RBM26: variants seen among roughly 807,000 people sequenced by gnomAD.
RBM26 encodes the protein RNA-binding protein 26.
A neutral mutation model predicts 123.6 loss-of-function variants in RBM26; 30 were observed. The ratio of observed to expected loss-of-function variants is 0.24; its 90% CI spans 0.18 to 0.33. RBM26 has a LOEUF of 0.33. Among genes scored for constraint, RBM26 ranks in the 10% least tolerant of loss-of-function variants. The probability of loss-of-function intolerance (pLI) is 1.00; values close to 1 mark genes in which losing one functional copy is unlikely to be tolerated. For missense variants in RBM26, 947 were observed against 1,203.6 expected, an observed-to-expected ratio of 0.79 and a Z score of 3.15; for synonymous variants, 400 against 404.4, an observed-to-expected ratio of 0.99 and a Z score of 0.13.
At chr13:79,372,336 TATTAAC>T (rs1039385845) in intron 3 of RBM26, among the ~76,000 whole-genome samples, 3 of 152,176 alleles carry the variant, frequency 2.0e-5, no homozygotes, top group African/African-American at 7.2e-5. Flanking sequence ...TTAATGACTT[TATTAAC>T]ATTAACATTT....
chr13:79,335,910 G>C (rs1023067633), intron 19 of RBM26, among the ~76,000 whole-genome samples: 10 of 152,066 alleles, frequency 6.6e-5, no homozygotes, highest in Non-Finnish European at 1.2e-4. Context: ...GAAAAGATGG[G>C]CAAGATTTAT....
rs1385089062 is a variant in RBM26 at position 79,344,312 on chromosome 13, T to C, written c.2195A>G (p.Lys732Arg). 3 of 1,605,578 alleles carry C rather than the reference T, an allele frequency of 1.9e-6. No individual in the cohort carries two copies. Among genetic ancestry groups the C allele is most frequent in the South Asian group, 1.1e-5 (1 of 90,852 alleles). Residue 732 changes from lysine to arginine, a missense_variant, in exon 16 of 22, where the codon AAA (lysine) becomes AGA (arginine). Lys to Arg is a conservative substitution (Grantham distance 26). Around this residue, in one of 5 missense-constraint regions of RBM26, gnomAD observed 493 missense variants for 563.1 expected, o/e 0.88. Transcript: ENST00000438737. ...CCTTTTCCTTACATCCTGCTGAAGTTTCAATGCCTCCTAGAATCAGGGATC... is the reference window on the plus strand; with the variant it reads ...CCTTTTCCTTACATCCTGCTGAAGTCTCAATGCCTCCTAGAATCAGGGATC... Reference protein sequence around the residue: ...EAQKKKQEALKLQQDVRKRKQ... With the variant: ...EAQKKKQEALRLQQDVRKRKQ...
At chr13:79,387,456 C>T (rs1263205018) in intron 1 of RBM26, among the ~76,000 whole-genome samples, 1 of 151,776 alleles carries the variant, frequency 6.6e-6, no homozygotes, top group Non-Finnish European at 1.5e-5. Flanking sequence ...AACTGTACTC[C>T]AAAAAACAAT....
intron 1 of RBM26, among the ~76,000 whole-genome samples, chr13:79,396,608 A>G (rs925365089): frequency 2.0e-5 from 3 of 152,186 alleles, no homozygotes; most frequent in African/African-American, 7.2e-5. Flanking sequence ...TAACCAAAAA[A>G]TCCTCACAAC....
At chr13:79,316,064 T>C (rs1047888286), downstream of RBM26, among the ~76,000 whole-genome samples, 1 of 151,772 alleles carries the variant, frequency 6.6e-6, no homozygotes, top group African/African-American at 2.4e-5. Context: ...AATTTCCATT[T>C]GTAATTTACA....
At chr13:79,392,975 T>A (rs1352614759) in intron 1 of RBM26, among the ~76,000 whole-genome samples, 1 of 152,328 alleles carries the variant, frequency 6.6e-6, no homozygotes, top group East Asian at 1.9e-4. Flanking sequence ...AGCAGTCATA[T>A]ACACATGCTG....
At chr13:79,337,444 T>C (rs1036766507) in intron 18 of RBM26, 142 bp from the exon 19 acceptor site, 12 of 1,015,258 alleles carry the variant, frequency 1.2e-5, no homozygotes, top group Middle Eastern at 2.3e-4. Context: ...ATAATTTAAA[T>C]TGGGGTTTTA....
intron 7 of RBM26, 70 bp downstream of exon 7, chr13:79,366,563 A>C (rs1471747959): frequency 1.4e-6 from 2 of 1,411,790 alleles, no homozygotes; most frequent in Non-Finnish European, 1.9e-6. Flanking sequence ...TTAATTTAAG[A>C]ATCTATTAAG....
chr13:79,333,976 A>G (rs2069871543), intron 20 of RBM26, among the ~76,000 whole-genome samples: 1 of 152,096 alleles, frequency 6.6e-6, no homozygotes. Flanking sequence ...CTTGTACCTT[A>G]TCCCTCACCA....
intron 1 of RBM26, chr13:79,389,631 T>C (rs962164367): frequency 1.3e-5 from 2 of 152,158 alleles, no homozygotes; most frequent in East Asian, 1.9e-4. Flanking sequence ...TGGCCGTAGA[T>C]GATTTGGTCA....
At chr13:79,354,663 G>C (rs965540074) in intron 12 of RBM26, 93 bp from the exon 13 acceptor site, 2 of 1,199,122 alleles carry the variant, frequency 1.7e-6, no homozygotes, top group Middle Eastern at 2.1e-4. Flanking sequence ...CCCATGCAGA[G>C]AAAGTTTTTA....
downstream of RBM26, among the ~76,000 whole-genome samples, chr13:79,315,941 C>T (rs773495682): frequency 2.0e-5 from 3 of 151,858 alleles, no homozygotes; most frequent in East Asian, 3.9e-4. Flanking sequence ...TACCTTTGAG[C>T]AACTAGCCAG....
downstream of RBM26, chr13:79,314,891 T>C (rs1270796734): frequency 3.5e-6 from 3 of 849,124 alleles, no homozygotes; most frequent in East Asian, 1.3e-4. Context: ...AGAGTGAACA[T>C]AAAATAATAG....
chr13:79,347,406 T>C (rs2072518195), intron 14 of RBM26, among the ~76,000 whole-genome samples: 1 of 152,182 alleles, frequency 6.6e-6, no homozygotes, highest in African/African-American at 2.4e-5. Flanking sequence ...AACTATATTG[T>C]TCACTATTTG....
At chr13:79,342,060 G>C (rs1469561403) in intron 17 of RBM26, among the ~76,000 whole-genome samples, 2 of 151,696 alleles carry the variant, frequency 1.3e-5, no homozygotes, top group Admixed American at 1.3e-4. Flanking sequence ...ATAATATATT[G>C]ATATTAGTGG....
At chr13:79,322,742 C>A (rs2067829504) in intron 20 of RBM26, among the ~76,000 whole-genome samples, 1 of 151,448 alleles carries the variant, frequency 6.6e-6, no homozygotes, top group Admixed American at 6.6e-5. Flanking sequence ...TATTTCACTA[C>A]TGGCCAATAT....
chr13:79,398,200 C>T (rs1040903446), intron 1 of RBM26, among the ~76,000 whole-genome samples: 2 of 152,066 alleles, frequency 1.3e-5, no homozygotes, highest in African/African-American at 4.8e-5. Flanking sequence ...ACAAAGGAAG[C>T]AAGAAGAGGG....
chr13:79,374,087 T>C lies in RBM26; in HGVS notation c.328-2157A>G, dbSNP rs1401850282. ...TACTGAGAACCATAAGATATTCTCA[T>C]GCAGGTAGTCTACGCACAGGGTACA... is the stretch of plus-strand genomic sequence containing the variant. On this transcript the variant is annotated intron_variant, in intron 3 of 21. Transcript: ENST00000438737. 8.5e-5 allele frequency among the ~76,000 whole-genome samples: 13 copies of C among 152,244 alleles called. No individual in the cohort carries two copies. The East Asian group carries it at 2.5e-3, about 29-fold the overall frequency.
At chr13:79,385,615 CT>C (rs1385117358) in intron 1 of RBM26, among the ~76,000 whole-genome samples, 2 of 152,076 alleles carry the variant, frequency 1.3e-5, no homozygotes, top group African/African-American at 4.8e-5. Flanking sequence ...CTCCAAACAG[CT>C]TTTTATTTAA....
Sources: gnomAD v4.1 joint callset for allele counts (sites outside exome capture counted in the v4.1 genomes callset) on GRCh38, gnomAD v4.1.1 for gene constraint, gnomAD v4.1.1 regional missense constraint, MANE v1.5 for transcripts, NCBI Gene and HGNC (gene_info 2026-07-23, HGNC 2026-07-21) for gene names.